KCNN2: variants seen among roughly 807,000 people sequenced by gnomAD.
KCNN2 encodes the protein potassium calcium-activated channel subfamily N member 2, also known as small conductance calcium-activated potassium channel protein 2.
Under a neutral mutation model 55.5 loss-of-function variants are expected in KCNN2, and 24 were observed. The observed-to-expected ratio is 0.43, with a 90% confidence interval of 0.31 to 0.61. The LOEUF is 0.61. Among genes scored for constraint, KCNN2 ranks in the 20% least tolerant of loss-of-function variants. KCNN2 has a pLI of 0.08. For synonymous variants in KCNN2, 431 were observed against 336.1 expected, an observed-to-expected ratio of 1.28 and a Z score of -3.09; for missense variants, 754 against 853.6, an observed-to-expected ratio of 0.88 and a Z score of 1.45.
intron 1 of KCNN2, among the ~76,000 whole-genome samples, chr5:114,063,327 T>C (rs1470509580): frequency 6.6e-6 from 1 of 152,260 alleles, no homozygotes; most frequent in East Asian, 1.9e-4. Context: ...GCTATGCTTT[T>C]TATATGCCTG....
chr5:114,243,623 A>G (rs1754688572), intron 2 of KCNN2, among the ~76,000 whole-genome samples: 1 of 152,160 alleles, frequency 6.6e-6, no homozygotes, highest in African/African-American at 2.4e-5. Context: ...TGTTGCTGGC[A>G]TATTGTTATC....
chr5:114,407,928 T>C (rs1758989263), intron 3 of KCNN2, among the ~76,000 whole-genome samples: 1 of 152,204 alleles, frequency 6.6e-6, no homozygotes, highest in African/African-American at 2.4e-5. Context: ...TTCTGCCAGG[T>C]TGCGAAAGAA....
intron 1 of KCNN2, among the ~76,000 whole-genome samples, chr5:114,213,434 T>C (rs1008131417): frequency 3.9e-5 from 6 of 151,948 alleles, no homozygotes; most frequent in Non-Finnish European, 7.4e-5. Context: ...TCTTCTTCTT[T>C]TTTTAATTCA....
At chr5:114,283,143 AT>A (rs1368271747) in intron 2 of KCNN2, among the ~76,000 whole-genome samples, 2 of 151,860 alleles carry the variant, frequency 1.3e-5, no homozygotes, top group African/African-American at 4.8e-5. Context: ...CTTCTGCCTC[AT>A]TTTTCTTTCC....
At chr5:114,312,246 C>T (rs1465866540) in intron 2 of KCNN2, among the ~76,000 whole-genome samples, 8 of 151,498 alleles carry the variant, frequency 5.3e-5, no homozygotes, top group Admixed American at 5.3e-4. Context: ...CTGCTGCTGG[C>T]TTTTTGAACA....
chr5:114,306,653 C>A (rs73779788), intron 2 of KCNN2, among the ~76,000 whole-genome samples: 7,021 of 150,966 alleles, frequency 0.047, 573 homozygotes, highest in African/African-American at 0.16. Flanking sequence ...GCAGAAGTAC[C>A]TTTACTACCC....
chr5:114,377,458 T>C (rs1414901856), intron 2 of KCNN2, among the ~76,000 whole-genome samples: 1 of 152,188 alleles, frequency 6.6e-6, no homozygotes, highest in Non-Finnish European at 1.5e-5. Flanking sequence ...CGTGTTTATG[T>C]TGAATGATAA....
At chr5:114,129,762 CA>C (rs772508125) in intron 1 of KCNN2, among the ~76,000 whole-genome samples, 19 of 152,256 alleles carry the variant, frequency 1.2e-4, no homozygotes, top group Non-Finnish European at 2.8e-4. Context: ...TAATCTTGGC[CA>C]TTGTGGAGAC....
At chr5:114,375,952 G>GTGTATATATATATATATATATA (rs1249028214) in intron 2 of KCNN2, among the ~76,000 whole-genome samples, 88 of 104,684 alleles carry the variant, frequency 8.4e-4, no homozygotes, top group Non-Finnish European at 1.2e-3. Context: ...GACTCACAGT[G>GTGTATATATATATATATATATA]TATATATATA....
At chr5:114,453,812 A>G (rs1020329922) in intron 3 of KCNN2, among the ~76,000 whole-genome samples, 1 of 150,742 alleles carries the variant, frequency 6.6e-6, no homozygotes, top group Non-Finnish European at 1.5e-5. Context: ...TATTAATGCA[A>G]TTTTTTTTTA....
intron 1 of KCNN2, among the ~76,000 whole-genome samples, chr5:114,204,743 T>A (rs1753736687): frequency 6.6e-6 from 1 of 152,180 alleles, no homozygotes; most frequent in Non-Finnish European, 1.5e-5. Context: ...AAAGCCCATG[T>A]GGCTTTGTGG....
chr5:114,423,660 A>T (rs1244565722), intron 3 of KCNN2, among the ~76,000 whole-genome samples: 3 of 152,216 alleles, frequency 2.0e-5, no homozygotes. Flanking sequence ...AAAAAATGGC[A>T]TAGTGTTTGC....
chr5:114,364,441 G>C (rs1286849809), intron 2 of KCNN2, among the ~76,000 whole-genome samples: 1 of 152,060 alleles, frequency 6.6e-6, no homozygotes, highest in African/African-American at 2.4e-5. Context: ...AAAACTGGGT[G>C]ATGAGTTGCC....
At chr5:114,153,695 A>T (rs1487117826) in intron 1 of KCNN2, among the ~76,000 whole-genome samples, 1 of 152,212 alleles carries the variant, frequency 6.6e-6, no homozygotes, top group Non-Finnish European at 1.5e-5. Context: ...AGGAAATGCT[A>T]TCATCTTCCC....
intron 2 of KCNN2, among the ~76,000 whole-genome samples, chr5:114,245,997 A>G (rs185427833): frequency 6.6e-6 from 1 of 152,294 alleles, no homozygotes; most frequent in Admixed American, 6.5e-5. Context: ...AGACATATAA[A>G]CAGATTTTCT....
intron 3 of KCNN2, among the ~76,000 whole-genome samples, chr5:114,453,718 T>A (rs905689734): frequency 2.6e-5 from 4 of 152,218 alleles, no homozygotes; most frequent in African/African-American, 4.8e-5. Context: ...GGGAAATTTC[T>A]GTCAACTTAC....
At chr5:114,090,162 A>G (rs1448061536) in intron 1 of KCNN2, among the ~76,000 whole-genome samples, 1 of 152,136 alleles carries the variant, frequency 6.6e-6, no homozygotes, top group Non-Finnish European at 1.5e-5. Flanking sequence ...ATTTTTAATG[A>G]CCTAAAATTT....
chr5:114,303,593 TGG>T (rs1404718715), intron 2 of KCNN2, among the ~76,000 whole-genome samples: 11 of 152,224 alleles, frequency 7.2e-5, no homozygotes, highest in East Asian at 5.8e-4. Context: ...GTACATTATT[TGG>T]GCTTTTTGAA....
intron 1 of KCNN2, among the ~76,000 whole-genome samples, chr5:114,177,324 A>G (rs919704994): frequency 2.5e-4 from 38 of 152,094 alleles, no homozygotes; most frequent in African/African-American, 8.9e-4. Flanking sequence ...TTTTTAGTAG[A>G]GACGGGGTTT....
Sources: gnomAD v4.1 joint callset for allele counts (sites outside exome capture counted in the v4.1 genomes callset) on GRCh38, gnomAD v4.1.1 for gene constraint, MANE v1.5 for transcripts, NCBI Gene and HGNC (gene_info 2026-07-23, HGNC 2026-07-21) for gene names.